Variants in CALCRL observed in about 807,000 individuals in gnomAD.
The protein encoded by CALCRL is calcitonin gene-related peptide type 1 receptor.
A neutral mutation model predicts 60.4 loss-of-function variants in CALCRL; 27 were observed. The ratio of observed to expected loss-of-function variants is 0.45; its 90% confidence interval spans 0.33 to 0.62. CALCRL has a LOEUF of 0.62. Among genes scored for constraint, CALCRL ranks in the 20% least tolerant of loss-of-function variants. The probability of loss-of-function intolerance (pLI) is 0.03; values close to 1 mark genes in which losing one functional copy is unlikely to be tolerated. For missense variants in CALCRL, 424 were observed against 540.7 expected (o/e 0.78, Z 2.14); for synonymous variants, 190 against 182.6 (o/e 1.04, Z -0.33).
intron 1 of CALCRL, among the ~76,000 whole-genome samples, chr2:187,408,900 T>C (rs537750637): frequency 1.2e-3 from 190 of 152,264 alleles, no homozygotes; most frequent in Non-Finnish European, 2.1e-3. Flanking sequence ...CATTGTGCTG[T>C]ATAATATTTT....
chr2:187,383,109 T>A, intron 5 of CALCRL, 64 bp downstream of exon 5: 1 of 1,502,152 alleles, frequency 6.7e-7, no homozygotes, highest in Non-Finnish European at 9.1e-7. Context: ...TATAATGATA[T>A]AATGGGAGTA....
chr2:187,397,588 G>T (rs1251984005), intron 1 of CALCRL, among the ~76,000 whole-genome samples: 2 of 151,412 alleles, frequency 1.3e-5, no homozygotes, highest in Admixed American at 6.6e-5. Context: ...CACTTGTATT[G>T]CATGAATATA....
chr2:187,433,255 T>C (rs1056657191), intron 1 of CALCRL, among the ~76,000 whole-genome samples: 2 of 152,076 alleles, frequency 1.3e-5, no homozygotes, highest in African/African-American at 4.8e-5. Flanking sequence ...CTCAGAAGCA[T>C]TATTTTTTTT....
At chr2:187,410,746 TG>T (rs1689321649) in intron 1 of CALCRL, among the ~76,000 whole-genome samples, 1 of 152,130 alleles carries the variant, frequency 6.6e-6, no homozygotes, top group Non-Finnish European at 1.5e-5. Flanking sequence ...GAGCTGAAGG[TG>T]GGATCAGGGG....
At chr2:187,354,459 G>A (rs6710629) in intron 12 of CALCRL, among the ~76,000 whole-genome samples, 67,002 of 151,750 alleles carry the variant, frequency 0.44, 15,813 homozygotes, top group East Asian at 0.62. Flanking sequence ...CTGCTCACAT[G>A]GAAATGTGAT....
intron 5 of CALCRL, among the ~76,000 whole-genome samples, chr2:187,381,604 C>T (rs185338166): frequency 2.6e-4 from 39 of 151,870 alleles, no homozygotes; most frequent in African/African-American, 7.2e-4. Context: ...TACAGGTGCC[C>T]GCCACTGCGC....
chr2:187,396,003 A>T (rs886971269), intron 1 of CALCRL, among the ~76,000 whole-genome samples: 7 of 117,194 alleles, frequency 6.0e-5, no homozygotes, highest in African/African-American at 2.1e-4. Context: ...CCTTAAAACC[A>T]AATCTCTCCT....
At chr2:187,404,846 C>T (rs1318851386) in intron 1 of CALCRL, among the ~76,000 whole-genome samples, 3 of 151,784 alleles carry the variant, frequency 2.0e-5, no homozygotes, top group Non-Finnish European at 4.4e-5. Context: ...CTGCTTTAGA[C>T]AGCAGATAAC....
chr2:187,418,743 T>C (rs1376466905), intron 1 of CALCRL, among the ~76,000 whole-genome samples: 3 of 152,154 alleles, frequency 2.0e-5, no homozygotes, highest in African/African-American at 7.2e-5. Flanking sequence ...CAATATTACA[T>C]AATATTAAGG....
intron 4 of CALCRL, 129 bp downstream of exon 4, chr2:187,385,416 T>A (rs1292698144): frequency 1.7e-6 from 1 of 583,050 alleles, no homozygotes; most frequent in African/African-American, 1.9e-5. Context: ...GAAAACACAT[T>A]ATTGCTGTAT....
At chr2:187,367,924 A>G (rs935287193) in intron 8 of CALCRL, among the ~76,000 whole-genome samples, 10 of 152,060 alleles carry the variant, frequency 6.6e-5, no homozygotes, top group Admixed American at 6.6e-4. Flanking sequence ...AGTTGATGTT[A>G]TTGTGTCAAC....
At chr2:187,380,031 G>A (rs562421656) in intron 7 of CALCRL, among the ~76,000 whole-genome samples, 1 of 152,250 alleles carries the variant, frequency 6.6e-6, no homozygotes, top group East Asian at 1.9e-4. Flanking sequence ...TAGTTAGTGC[G>A]AATAACCTAA....
intron 1 of CALCRL, among the ~76,000 whole-genome samples, chr2:187,433,013 C>T (rs541034439): frequency 2.0e-5 from 3 of 152,124 alleles, no homozygotes; most frequent in East Asian, 3.9e-4. Context: ...CTGTAATGTT[C>T]GCACAATGAC....
intron 1 of CALCRL, among the ~76,000 whole-genome samples, chr2:187,418,954 C>T (rs547330451): frequency 7.6e-5 from 11 of 145,138 alleles, no homozygotes; most frequent in African/African-American, 2.0e-4. Context: ...CTCCCAGGTT[C>T]GAGCTATTTC....
At chr2:187,408,367 A>C (rs1184295797) in intron 1 of CALCRL, among the ~76,000 whole-genome samples, 1 of 152,040 alleles carries the variant, frequency 6.6e-6, no homozygotes, top group Non-Finnish European at 1.5e-5. Context: ...GAATAGGGCA[A>C]CATTCTCAGA....
intron 3 of CALCRL, among the ~76,000 whole-genome samples, chr2:187,386,501 T>C (rs1427197466): frequency 2.0e-5 from 3 of 152,060 alleles, no homozygotes; most frequent in African/African-American, 7.2e-5. Flanking sequence ...TTTCAGGGAG[T>C]GAAGAGTATC....
At position 187,360,595 on chromosome 2, in the gene CALCRL, T is replaced by C; in HGVS notation, c.781+3A>G. On this transcript the variant is annotated splice_donor_region_variant and intron_variant, in intron 10 of 14. Transcript: ENST00000392370. ...ATCAACAAGTATGTATAATAACACTTACCCCAGCCAAGAAAATAATACCAC... is the reference window on the plus strand; with the variant it reads ...ATCAACAAGTATGTATAATAACACTCACCCCAGCCAAGAAAATAATACCAC... 6.2e-7 allele frequency: 1 copy of C among 1,607,826 alleles called. No individual in the cohort carries two copies. The highest frequency in any genetic ancestry group is 8.5e-7 in the Non-Finnish European group (1 of 1,177,274).
intron 1 of CALCRL, among the ~76,000 whole-genome samples, chr2:187,426,818 C>A (rs760359060): frequency 5.3e-5 from 8 of 151,988 alleles, no homozygotes; most frequent in Non-Finnish European, 1.2e-4. Context: ...TTGAATCAGG[C>A]AGGCTGGTTT....
chr2:187,440,771 CAT>C (rs770904170), intron 1 of CALCRL, among the ~76,000 whole-genome samples: 113 of 152,096 alleles, frequency 7.4e-4, no homozygotes, highest in Admixed American at 1.6e-3. Flanking sequence ...TAAATATAAA[CAT>C]ATATTAATTT....
Sources: gnomAD v4.1 joint callset for allele counts (sites outside exome capture counted in the v4.1 genomes callset) on GRCh38, gnomAD v4.1.1 for gene constraint, MANE v1.5 for transcripts, NCBI Gene and HGNC (gene_info 2026-07-23, HGNC 2026-07-21) for gene names.